The following ATP6V1C2 variants were observed in gnomAD, a reference collection of about 807,000 sequenced individuals.
ATP6V1C2 encodes V-type proton ATPase subunit C 2.
Under a neutral mutation model 56.8 loss-of-function variants are expected in ATP6V1C2, and 45 were observed. The ratio of observed to expected loss-of-function variants is 0.79; its 90% CI spans 0.62 to 1.02. The LOEUF (loss-of-function observed/expected upper bound fraction) is 1.02. ATP6V1C2 is among the 50% of genes least tolerant of loss of function. The pLI, the probability that ATP6V1C2 is intolerant of heterozygous loss-of-function variation, is 0.00. For synonymous variants in ATP6V1C2, 220 were observed against 201.3 expected (o/e 1.09, Z -0.79); for missense variants, 463 against 519.7 (o/e 0.89, Z 1.06).
chr2:10,753,942 T>G, intron 3 of ATP6V1C2, 39 bp from the exon 4 acceptor site: 1 of 1,544,604 alleles, frequency 6.5e-7, no homozygotes, highest in Non-Finnish European at 8.8e-7. Flanking sequence ...TGAGGACAGC[T>G]TCCTACTCTA....
At position 10,764,401 on chromosome 2, in the gene ATP6V1C2, G is replaced by T; in HGVS notation, c.354G>T (p.Val118=). 1 of 1,614,110 alleles carries T rather than the reference G, an allele frequency of 6.2e-7. No individual in the cohort carries two copies. The highest frequency in any genetic ancestry group is 8.5e-7 in the Non-Finnish European group (1 of 1,179,954). Residue 118 remains valine, a synonymous_variant, in exon 5 of 14, where the codon GTG becomes GTT. Coordinates refer to ENST00000272238, the MANE Select transcript of ATP6V1C2 (RefSeq NM_001039362.2). ...MAKYPVKQPL[V]SVVDTIAKQL... Reference sequence around the variant, plus strand: ...AATATCCTGTCAAGCAGCCGCTCGTGAGTGTGGTGGACACAATAGCCAAGG... The same window carrying T: ...AATATCCTGTCAAGCAGCCGCTCGTTAGTGTGGTGGACACAATAGCCAAGG...
chr2:10,726,552 C>G lies in ATP6V1C2; in HGVS notation c.180C>G (p.Leu60=). The G allele has an allele frequency of 6.2e-7, 1 of 1,613,708 alleles. No individual in the cohort carries two copies. Among genetic ancestry groups the G allele is most frequent in the Non-Finnish European group, 8.5e-7 (1 of 1,179,686 alleles). ...LVGLSDELGK[L]DTFAESLIRR... ...GCCTCTCTGATGAGTTGGGGAAACT[C>G]GACACCTTTGCTGAAAGGTAAAATA... Residue 60 remains leucine (L), a synonymous_variant, in exon 3 of 14, where the codon CTC becomes CTG. Transcript: ENST00000272238.
chr2:10,740,889 G>A lies in ATP6V1C2; in HGVS notation c.198-13092G>A, dbSNP rs879540492. 2.0e-5 allele frequency among the ~76,000 whole-genome samples: 3 copies of A among 152,222 alleles called. No individual in the cohort carries two copies. The East Asian group carries it at 5.8e-4, about 29-fold the overall frequency. On this transcript the variant is annotated intron_variant, in intron 3 of 13. Coordinates refer to ENST00000272238, the MANE Select transcript of ATP6V1C2 (RefSeq NM_001039362.2). Reference sequence around the variant, plus strand: ...TTTAGTAGAGACGGGGTTTCACCATGTTGGCCAGGCTGGTCTCAAACTCCC... The same window carrying A: ...TTTAGTAGAGACGGGGTTTCACCATATTGGCCAGGCTGGTCTCAAACTCCC...
intron 3 of ATP6V1C2, among the ~76,000 whole-genome samples, chr2:10,750,919 C>CGCATAGTAGTTGTTAGTGCTTGGT (rs1663173211): frequency 6.6e-6 from 1 of 151,920 alleles, no homozygotes; most frequent in African/African-American, 2.4e-5. Context: ...TAGTGCTTGG[C>CGCATAGTAGTTGTTAGTGCTTGGT]GCATAGTAGT....
intron 4 of ATP6V1C2, among the ~76,000 whole-genome samples, chr2:10,754,315 G>T (rs1008768572): frequency 1.3e-5 from 2 of 151,402 alleles, no homozygotes; most frequent in African/African-American, 2.4e-5. Context: ...AACCTCCGCC[G>T]CCCGGGTTCA....
intron 6 of ATP6V1C2, among the ~76,000 whole-genome samples, chr2:10,769,128 C>T (rs1001833822): frequency 2.0e-5 from 3 of 152,228 alleles, no homozygotes; most frequent in African/African-American, 4.8e-5. Context: ...GGAGGCTGCA[C>T]GGAGGGCCCC....
At chr2:10,747,289 GAA>G (rs1662971463) in intron 3 of ATP6V1C2, among the ~76,000 whole-genome samples, 1 of 152,052 alleles carries the variant, frequency 6.6e-6, no homozygotes, top group East Asian at 1.9e-4. Context: ...AGAAAAAAAA[GAA>G]AAGAATTCTC....
At chr2:10,739,512 G>A (rs1422975715) in intron 3 of ATP6V1C2, among the ~76,000 whole-genome samples, 1 of 151,810 alleles carries the variant, frequency 6.6e-6, no homozygotes, top group East Asian at 1.9e-4. Flanking sequence ...TCCTGCCTTG[G>A]TCCTATGCCT....
intron 4 of ATP6V1C2, among the ~76,000 whole-genome samples, chr2:10,755,266 C>T (rs1421987994): frequency 1.1e-4 from 16 of 151,038 alleles, no homozygotes; most frequent in Non-Finnish European, 2.4e-4. Context: ...GAACTCCTGA[C>T]CTCAGGTGAT....
chr2:10,764,179 G>T lies in ATP6V1C2; in HGVS notation c.284-152G>T. On this transcript the variant is annotated intron_variant, in intron 4 of 13. Coordinates refer to ENST00000272238, the MANE Select transcript of ATP6V1C2 (RefSeq NM_001039362.2). ...ACAGCTCCCCGCTCCCGCAGGGAAC[G>T]TTTGCTTTTCCAGAGCCCTGTGCCT... is the stretch of plus-strand genomic sequence containing the variant. 3 of 635,616 alleles carry T rather than the reference G, an allele frequency of 4.7e-6. No individual in the cohort carries two copies. In the South Asian group the frequency reaches 5.4e-5, roughly 12 times the overall value. 39.4% of individuals were successfully genotyped at this position (635,616 alleles called of 1,614,324 possible).
chr2:10,733,812 A>AAGTGCTTCCCCTGTCGTTGCTTGCCCCTG (rs56011335), intron 3 of ATP6V1C2, among the ~76,000 whole-genome samples: 54,023 of 146,716 alleles, frequency 0.37, 12,013 homozygotes, highest in East Asian at 0.62. Flanking sequence ...GCTTGCCCCT[A>AAGTGCTTCCCCTGTCGTTGCTTGCCCCTG]AGTGCTTCCC....
At chr2:10,779,996 C>T (rs1272028891) in intron 12 of ATP6V1C2, among the ~76,000 whole-genome samples, 1 of 152,152 alleles carries the variant, frequency 6.6e-6, no homozygotes, top group East Asian at 1.9e-4. Flanking sequence ...TCCTGGGCTC[C>T]TCCAGCCCCT....
chr2:10,782,111 C>T, intron 12 of ATP6V1C2, 132 bp from the exon 13 acceptor site: 1 of 1,102,462 alleles, frequency 9.1e-7, no homozygotes, highest in Non-Finnish European at 1.3e-6. Flanking sequence ...AGGCATTTTG[C>T]TCGAGTTTGA....
chr2:10,749,078 C>T lies in ATP6V1C2; in HGVS notation c.198-4903C>T, dbSNP rs76153454. On this transcript the variant is annotated intron_variant, in intron 3 of 13. Transcript: ENST00000272238. ...CCGGGAGATGGAGGTTGCAGTGAGC[C>T]GAGATCACACCATTGTATTCCCGCC... Among the ~76,000 whole-genome samples the T allele has an allele frequency of 4.3e-5, 6 of 140,538 alleles. No homozygotes were observed. In the East Asian group the frequency reaches 1.2e-3, roughly 29 times the overall value. The allele number at this position is 140,538 out of a possible 152,430, so 92.2% of individuals were successfully genotyped here.
chr2:10,775,052 C>G lies in ATP6V1C2; in HGVS notation c.806C>G (p.Ser269Cys), dbSNP rs1161315979. The change falls in exon 10 of 14, where the codon TCT becomes TGT. Residue 269 changes from serine (S) to cysteine (C), a missense_variant. Ser to Cys is a moderately radical substitution (Grantham distance 112). Coordinates refer to ENST00000272238, the MANE Select transcript of ATP6V1C2 (RefSeq NM_001039362.2). ...REREEMARLL[S>C]DKKQQYQTSC... is the part of the protein sequence containing the mutation. ...AGGGAGGAGATGGCCAGATTGCTGT[C>G]TGATAAGAAGCAACAGTATGTGAGT... 1 of 1,613,800 alleles carries G rather than the reference C, an allele frequency of 6.2e-7. No homozygotes were observed. Among genetic ancestry groups the G allele is most frequent in the Admixed American group, 1.7e-5 (1 of 60,028 alleles).
At chr2:10,761,414 TC>T (rs1663896040) in intron 4 of ATP6V1C2, among the ~76,000 whole-genome samples, 1 of 151,010 alleles carries the variant, frequency 6.6e-6, no homozygotes, top group African/African-American at 2.4e-5. Context: ...ACAGGAGGAG[TC>T]CCCGCCATCC....
In ATP6V1C2 at chr2:10,780,989, G is replaced by A. The variant is rs1665313157; in HGVS notation, c.1062-1254G>A. Among the ~76,000 whole-genome samples, 3 of 152,058 alleles carry A rather than the reference G, an allele frequency of 2.0e-5. No individual in the cohort carries two copies. The highest frequency in any genetic ancestry group is 2.0e-4 in the Admixed American group (3 of 15,270). On this transcript the variant is annotated intron_variant, in intron 12 of 13. Coordinates refer to ENST00000272238, the MANE Select transcript of ATP6V1C2 (RefSeq NM_001039362.2). The surrounding 1 kb of genome is among the most constrained non-coding windows in gnomAD (Gnocchi z 4.1). ...TGAACTCCTGACCTCAGGTGATCCA[G>A]CCTGCCTTGGCCCCCCAAAGTGCTG...
At chr2:10,731,956 G>C (rs368268743) in intron 3 of ATP6V1C2, among the ~76,000 whole-genome samples, 1 of 151,874 alleles carries the variant, frequency 6.6e-6, no homozygotes. Context: ...CTGGGCAACA[G>C]AGTGAGACCC....
In ATP6V1C2 at chr2:10,777,637, A is replaced by C. The variant is rs763712608; in HGVS notation, c.878A>C (p.Lys293Thr). Reference protein sequence around the residue: ...KKGSSTFPDHKVKVTPLGNPD... With the variant: ...KKGSSTFPDHTVKVTPLGNPD... ...GGATCATCCACCTTCCCGGACCACA[A>C]GGTTAAGGTAACCCCGCTAGGTAAC... Residue 293 changes from lysine (K) to threonine (T), a missense_variant, in exon 11 of 14, where the codon AAG becomes ACG. Coordinates refer to ENST00000272238, the MANE Select transcript of ATP6V1C2 (RefSeq NM_001039362.2). 2.5e-6 allele frequency: 4 copies of C among 1,614,142 alleles called. No homozygotes were observed. In the South Asian group the frequency reaches 4.4e-5, roughly 18 times the overall value.
Sources: allele counts gnomAD v4.1 joint callset (sites outside exome capture counted in the v4.1 genomes callset), GRCh38; gene constraint gnomAD v4.1.1; non-coding constraint Gnocchi (gnomAD v3.1); transcripts MANE v1.5; gene names NCBI Gene and HGNC (gene_info 2026-07-23, HGNC 2026-07-21).